Variants in FHIT observed in about 807,000 individuals in gnomAD.
FHIT encodes the protein bis(5'-adenosyl)-triphosphatase.
Under a neutral mutation model 17.9 loss-of-function variants are expected in FHIT, and 19 were observed. The observed-to-expected ratio is 1.06, with a 90% CI of 0.74 to 1.56. The LOEUF is 1.56. FHIT is among the 40% of genes most tolerant of loss of function. The pLI, the probability that FHIT is intolerant of heterozygous loss-of-function variation, is 0.00. For synonymous variants in FHIT, 81 were observed against 69.7 expected (o/e 1.16, Z -0.81); for missense variants, 248 against 189.2 (o/e 1.31, Z -1.82).
At chr3:61,162,244 T>C (rs1560031319) in intron 2 of FHIT, among the ~76,000 whole-genome samples, 1 of 152,194 alleles carries the variant, frequency 6.6e-6, no homozygotes, top group Non-Finnish European at 1.5e-5. Context: ...ACTTTGGTTT[T>C]CAGATTCACT....
intron 4 of FHIT, among the ~76,000 whole-genome samples, chr3:60,572,404 G>T (rs1244726994): frequency 6.6e-6 from 1 of 152,040 alleles, no homozygotes; most frequent in African/African-American, 2.4e-5. Context: ...TGTGTTTATA[G>T]AATATGTCCA....
At chr3:60,349,781 C>G (rs1710990014) in intron 5 of FHIT, among the ~76,000 whole-genome samples, 3 of 152,166 alleles carry the variant, frequency 2.0e-5, no homozygotes, top group Non-Finnish European at 4.4e-5. Context: ...TGTTGGAAAG[C>G]CAGTTCCATT....
At chr3:61,066,964 T>C (rs984585069) in intron 2 of FHIT, among the ~76,000 whole-genome samples, 3 of 152,194 alleles carry the variant, frequency 2.0e-5, no homozygotes, top group Non-Finnish European at 4.4e-5. Flanking sequence ...AACCCACCAA[T>C]TGGTTAAGCA....
intron 1 of FHIT, among the ~76,000 whole-genome samples, chr3:61,240,969 C>T (rs140997672): frequency 7.0e-4 from 106 of 152,330 alleles, no homozygotes; most frequent in African/African-American, 2.5e-3. Flanking sequence ...GTCTATGCTT[C>T]CAGGCAGGCC....
chr3:61,079,850 A>G (rs1416139327), intron 2 of FHIT, among the ~76,000 whole-genome samples: 1 of 152,218 alleles, frequency 6.6e-6, no homozygotes, highest in African/African-American at 2.4e-5. Context: ...ACAAACTTAT[A>G]TATTCTCCCT....
intron 8 of FHIT, among the ~76,000 whole-genome samples, chr3:59,901,657 C>A (rs545086667): frequency 6.6e-6 from 1 of 152,244 alleles, no homozygotes; most frequent in East Asian, 1.9e-4. Context: ...TATGAAGAAA[C>A]TAGAATCTTC....
intron 4 of FHIT, among the ~76,000 whole-genome samples, chr3:60,764,086 G>C (rs142536001): frequency 6.6e-6 from 1 of 152,124 alleles, no homozygotes; most frequent in Non-Finnish European, 1.5e-5. Flanking sequence ...TTAGTGGTAC[G>C]ACGGGGATTG....
intron 4 of FHIT, among the ~76,000 whole-genome samples, chr3:60,724,265 C>T (rs1297997428): frequency 6.6e-6 from 1 of 152,158 alleles, no homozygotes; most frequent in Non-Finnish European, 1.5e-5. Context: ...CTTTCACTTA[C>T]CAAAATGTTT....
intron 3 of FHIT, among the ~76,000 whole-genome samples, chr3:60,871,426 T>C (rs1704412158): frequency 6.6e-6 from 1 of 152,094 alleles, no homozygotes; most frequent in Non-Finnish European, 1.5e-5. Context: ...CAACCTATAG[T>C]GCTACCAGAA....
At chr3:60,728,089 G>T (rs2041954454) in intron 4 of FHIT, among the ~76,000 whole-genome samples, 2 of 152,178 alleles carry the variant, frequency 1.3e-5, no homozygotes, top group Non-Finnish European at 2.9e-5. Context: ...TCATAACAGA[G>T]CTTAAACATT....
At chr3:61,124,031 A>C (rs374162786) in intron 2 of FHIT, among the ~76,000 whole-genome samples, 1 of 152,182 alleles carries the variant, frequency 6.6e-6, no homozygotes, top group Non-Finnish European at 1.5e-5. Flanking sequence ...ACTGAAAGCA[A>C]AAGTTATGAA....
At chr3:60,518,302 T>C (rs1445296895) in intron 5 of FHIT, among the ~76,000 whole-genome samples, 1 of 152,026 alleles carries the variant, frequency 6.6e-6, no homozygotes, top group East Asian at 1.9e-4. Context: ...TTTAAAAATA[T>C]CCCAATAGAA....
At chr3:59,751,879 G>A (rs1331885770) in intron 9 of FHIT, 2 of 263,496 alleles carry the variant, frequency 7.6e-6, no homozygotes, top group Non-Finnish European at 1.4e-5. Flanking sequence ...TTAAGTTGGG[G>A]TTGACCTTTT....
intron 5 of FHIT, among the ~76,000 whole-genome samples, chr3:60,469,942 C>A (rs1428788350): frequency 1.3e-5 from 2 of 152,004 alleles, no homozygotes; most frequent in Non-Finnish European, 2.9e-5. Flanking sequence ...GGGTAACTTC[C>A]AGAAGAATTC....
chr3:60,223,602 A>T (rs1458477652), intron 5 of FHIT, among the ~76,000 whole-genome samples: 1 of 152,120 alleles, frequency 6.6e-6, no homozygotes, highest in South Asian at 2.1e-4. Context: ...CCTTCTTTTC[A>T]TTACTCAGTG....
At chr3:60,862,289 C>T (rs949185201) in intron 3 of FHIT, among the ~76,000 whole-genome samples, 4 of 151,992 alleles carry the variant, frequency 2.6e-5, no homozygotes, top group African/African-American at 7.2e-5. Flanking sequence ...AGTGATCATC[C>T]GTACTAGCTA....
At chr3:60,701,242 G>C (rs782760122) in intron 4 of FHIT, among the ~76,000 whole-genome samples, 1 of 150,766 alleles carries the variant, frequency 6.6e-6, no homozygotes, top group Non-Finnish European at 1.5e-5. Context: ...TCCAACCTCA[G>C]CCTCCAAAGT....
chr3:61,246,781 T>C (rs958351162), intron 1 of FHIT, among the ~76,000 whole-genome samples: 2 of 152,004 alleles, frequency 1.3e-5, no homozygotes, highest in Non-Finnish European at 2.9e-5. Flanking sequence ...GATTGACAGG[T>C]GCAGCAAACC....
At chr3:60,090,196 C>T (rs1703670870) in intron 5 of FHIT, among the ~76,000 whole-genome samples, 1 of 151,974 alleles carries the variant, frequency 6.6e-6, no homozygotes, top group South Asian at 2.1e-4. Flanking sequence ...CAGAAGTAAA[C>T]TTAACCTCTC....
Sources: gnomAD v4.1 joint callset for allele counts (sites outside exome capture counted in the v4.1 genomes callset) on GRCh38, gnomAD v4.1.1 for gene constraint, MANE v1.5 for transcripts, NCBI Gene and HGNC (gene_info 2026-07-23, HGNC 2026-07-21) for gene names.